The following FRAS1 variants were observed in gnomAD, a reference collection of about 807,000 sequenced individuals.
The protein encoded by FRAS1 is extracellular matrix organizing protein FRAS1.
In FRAS1, 290 loss-of-function variants were observed where a neutral mutation model predicts 435.2. The observed-to-expected ratio is 0.67, with a 90% CI of 0.61 to 0.73. FRAS1 has a LOEUF of 0.73. Among genes scored for constraint, FRAS1 ranks in the 30% least tolerant of loss-of-function variants. The pLI is 0.00. For missense variants in FRAS1, 4,860 were observed against 5,001.5 expected (o/e 0.97, Z 0.85); for synonymous variants, 1,800 against 1,851.0 (o/e 0.97, Z 0.71).
intron 2 of FRAS1, among the ~76,000 whole-genome samples, chr4:78,213,183 T>G (rs1723591387): frequency 6.6e-6 from 1 of 152,246 alleles, no homozygotes; most frequent in African/African-American, 2.4e-5. Context: ...CCTACCATGA[T>G]TAGAATGTGG....
At chr4:78,479,956 GTAAGTGTATA>G (rs1260308281) in intron 56 of FRAS1, among the ~76,000 whole-genome samples, 1 of 152,102 alleles carries the variant, frequency 6.6e-6, no homozygotes, top group Non-Finnish European at 1.5e-5. Context: ...TGGGTACATA[GTAAGTGTATA>G]TATTTATGGA....
intron 2 of FRAS1, among the ~76,000 whole-genome samples, chr4:78,207,081 T>A (rs1456503042): frequency 6.6e-6 from 1 of 152,232 alleles, no homozygotes; most frequent in Non-Finnish European, 1.5e-5. Flanking sequence ...ACCAAAGGAC[T>A]GCAGTGAATA....
At chr4:78,488,824 C>T (rs1560409408) in intron 58 of FRAS1, 51 bp from the exon 59 acceptor site, 1 of 1,535,066 alleles carries the variant, frequency 6.5e-7, no homozygotes, top group Non-Finnish European at 8.9e-7. Context: ...ATGGCCACAG[C>T]TTCCCTGTCT....
At chr4:78,147,243 A>C (rs541633969) in intron 2 of FRAS1, among the ~76,000 whole-genome samples, 3 of 152,236 alleles carry the variant, frequency 2.0e-5, no homozygotes, top group African/African-American at 7.2e-5. Flanking sequence ...ATGAGTTTAC[A>C]CTCTCTCAGA....
chr4:78,141,310 C>T (rs1420775664), intron 2 of FRAS1, among the ~76,000 whole-genome samples: 1 of 152,050 alleles, frequency 6.6e-6, no homozygotes, highest in Admixed American at 6.6e-5. Context: ...TCCTTGTCAC[C>T]TTTATTTTAA....
Position 78,359,609 on chromosome 4 carries a change from G to A in FRAS1, c.2423-3904G>A, listed in dbSNP as rs1351750490. On this transcript the variant is annotated intron_variant, in intron 20 of 73. Transcript: ENST00000512123. Reference sequence around the variant, plus strand: ...GTGGATTAACATGGGTCCCACTCAGGTTGTTGCTTTGGAATGAGTCTATTC... The same window carrying A: ...GTGGATTAACATGGGTCCCACTCAGATTGTTGCTTTGGAATGAGTCTATTC... Among the ~76,000 whole-genome samples the A allele has an allele frequency of 2.0e-5, 3 of 152,116 alleles. No homozygotes were observed. In the East Asian group the frequency reaches 5.8e-4, roughly 29 times the overall value.
Position 78,448,182 on chromosome 4 carries a change from T to C in FRAS1, c.6140T>C (p.Met2047Thr). 1 of 1,613,614 alleles carries C rather than the reference T, an allele frequency of 6.2e-7. No homozygotes were observed. Among genetic ancestry groups the C allele is most frequent in the Non-Finnish European group, 8.5e-7 (1 of 1,179,818 alleles). The change falls in exon 44 of 74, where the codon ATG becomes ACG. Residue 2047 changes from methionine to threonine, a missense_variant. Transcript: ENST00000512123. The part of the protein sequence containing the change: ...LVGYVPSVPG[M>T]VVDEFQFSLT... ...GGGTATGTGCCTAGTGTCCCTGGCA[T>C]GGTCGTGGATGAGTTCCAGTTCTCC...
At chr4:78,333,508 G>C (rs535563493) in intron 19 of FRAS1, 96 bp downstream of exon 19, 3 of 1,287,276 alleles carry the variant, frequency 2.3e-6, no homozygotes, top group African/African-American at 1.5e-5. Context: ...TCATACCGGG[G>C]ACTAAGATTC....
intron 20 of FRAS1, among the ~76,000 whole-genome samples, chr4:78,361,390 C>A (rs1403414884): frequency 2.0e-5 from 3 of 152,196 alleles, no homozygotes; most frequent in African/African-American, 7.2e-5. Context: ...CTCAGGATAT[C>A]ATGAATTGTT....
chr4:78,489,074 G>T lies in FRAS1; in HGVS notation c.8952G>T (p.Gly2984=). The T allele has an allele frequency of 6.2e-7, 1 of 1,611,688 alleles. No individual in the cohort carries two copies. The change falls in exon 59 of 74, where the codon GGG becomes GGT. Residue 2984 remains glycine, a synonymous_variant. Coordinates refer to ENST00000512123, the MANE Select transcript of FRAS1 (RefSeq NM_025074.7). ...CTTCACGGATTACATTTCTCAAAGG[G>T]GACAAAGTAAGTGGATTGGTGGTGG... ...ADSSRITFLK[G]DKVKNCTVYI...
intron 2 of FRAS1, among the ~76,000 whole-genome samples, chr4:78,174,562 G>T (rs1721685562): frequency 6.6e-6 from 1 of 152,180 alleles, no homozygotes; most frequent in Non-Finnish European, 1.5e-5. Context: ...AAAGATAGAA[G>T]GGGTGCACTC....
At position 78,540,846 on chromosome 4, in the gene FRAS1, T is replaced by C. The variant is rs769034643; in HGVS notation, c.11761T>C (p.Leu3921=). 5 of 1,613,964 alleles carry C rather than the reference T, an allele frequency of 3.1e-6. No individual in the cohort carries two copies. Among genetic ancestry groups the C allele is most frequent in the South Asian group, 1.1e-5 (1 of 91,084 alleles). ...AAIMLLLLVF[L]VACFINRKCQ... ...AATCATGCTTCTACTTCTGGTGTTTTTGGTGGCTTGTTTTATCAACAGGAA... is the reference window on the plus strand; with the variant it reads ...AATCATGCTTCTACTTCTGGTGTTTCTGGTGGCTTGTTTTATCAACAGGAA... Residue 3921 remains leucine, a synonymous_variant, in exon 74 of 74, where the codon TTG becomes CTG. Coordinates refer to ENST00000512123, the MANE Select transcript of FRAS1 (RefSeq NM_025074.7).
At chr4:78,066,049 A>G in intron 2 of FRAS1, 33 bp downstream of exon 2, 2 of 1,503,712 alleles carry the variant, frequency 1.3e-6, no homozygotes, top group Non-Finnish European at 1.8e-6. Context: ...GGTTTCTGTC[A>G]TTTGAATGTA....
chr4:78,083,168 G>T (rs186444551), intron 2 of FRAS1, among the ~76,000 whole-genome samples: 1 of 152,170 alleles, frequency 6.6e-6, no homozygotes, highest in African/African-American at 2.4e-5. Flanking sequence ...ATGCTGCAGG[G>T]GTATGGTGCT....
intron 6 of FRAS1, among the ~76,000 whole-genome samples, chr4:78,259,697 A>G (rs1019751045): frequency 2.7e-5 from 4 of 146,676 alleles, no homozygotes; most frequent in African/African-American, 7.5e-5. Context: ...GCTGTGCAGA[A>G]GCTCTTTAGT....
At chr4:78,518,450 A>ATATATATATATATATATATT (rs1487744216) in intron 66 of FRAS1, among the ~76,000 whole-genome samples, 5 of 69,330 alleles carry the variant, frequency 7.2e-5, no homozygotes, top group African/African-American at 1.9e-4. Context: ...ATATATATAT[A>ATATATATATATATATATATT]TATTTATTTA....
At chr4:78,482,937 T>C (rs892946567) in intron 58 of FRAS1, among the ~76,000 whole-genome samples, 1 of 152,224 alleles carries the variant, frequency 6.6e-6, no homozygotes, top group Non-Finnish European at 1.5e-5. Context: ...CCAAGGAGAT[T>C]ATATTTAAGC....
At chr4:78,191,082 A>T (rs921079358) in intron 2 of FRAS1, among the ~76,000 whole-genome samples, 1 of 152,210 alleles carries the variant, frequency 6.6e-6, no homozygotes, top group Non-Finnish European at 1.5e-5. Flanking sequence ...TCCTCACCAG[A>T]AAATGAATTG....
At chr4:78,439,153 C>A in intron 40 of FRAS1, 89 bp downstream of exon 40, 2 of 1,143,978 alleles carry the variant, frequency 1.7e-6, no homozygotes, top group Non-Finnish European at 2.5e-6. Context: ...CCTAAATTGG[C>A]TGCCAAATAT....
Sources: allele counts gnomAD v4.1 joint callset (sites outside exome capture counted in the v4.1 genomes callset), GRCh38; gene constraint gnomAD v4.1.1; transcripts MANE v1.5; gene names NCBI Gene and HGNC (gene_info 2026-07-23, HGNC 2026-07-21).